ARHGEF16: variants seen among roughly 807,000 people sequenced by gnomAD.
ARHGEF16 encodes Rho guanine nucleotide exchange factor 16.
In ARHGEF16, 59 loss-of-function variants were observed where a neutral mutation model predicts 74.1. That is an observed-to-expected ratio of 0.80 (90% CI 0.65 to 0.99). The LOEUF (loss-of-function observed/expected upper bound fraction) is 0.99, where lower values mean the gene tolerates loss of function less well. Among genes scored for constraint, ARHGEF16 ranks in the 50% least tolerant of loss-of-function variants. ARHGEF16 has a pLI of 0.00. For synonymous variants in ARHGEF16, 415 were observed against 412.6 expected, an observed-to-expected ratio of 1.01 and a Z score of -0.07; for missense variants, 948 against 986.6, an observed-to-expected ratio of 0.96 and a Z score of 0.52.
intron 1 of ARHGEF16, among the ~76,000 whole-genome samples, chr1:3,459,196 C>T (rs1318714723): frequency 6.6e-6 from 1 of 152,140 alleles, no homozygotes; most frequent in African/African-American, 2.4e-5. Flanking sequence ...AGTGAACGAA[C>T]ACGGACCCTA....
At chr1:3,471,033 T>C (rs1326776607) in intron 6 of ARHGEF16, among the ~76,000 whole-genome samples, 17 of 143,596 alleles carry the variant, frequency 1.2e-4, no homozygotes, top group African/African-American at 4.0e-4. Context: ...GGGGTGTGTG[T>C]GCGTGGGCAG....
intron 1 of ARHGEF16, among the ~76,000 whole-genome samples, chr1:3,460,828 G>T (rs944295232): frequency 2.6e-5 from 4 of 152,140 alleles, no homozygotes; most frequent in African/African-American, 9.7e-5. Flanking sequence ...CGGCCAGCGT[G>T]GGGGCCGTCC....
chr1:3,465,704 G>C (rs9786995), intron 2 of ARHGEF16, among the ~76,000 whole-genome samples: 17,642 of 152,152 alleles, frequency 0.12, 1,314 homozygotes, highest in East Asian at 0.26. Flanking sequence ...CAGCCCTCCC[G>C]TCACTTCTGC....
At chr1:3,461,508 C>G (rs1292540927) in intron 1 of ARHGEF16, among the ~76,000 whole-genome samples, 4 of 152,178 alleles carry the variant, frequency 2.6e-5, no homozygotes, top group African/African-American at 9.7e-5. Context: ...GTGGGGAGCC[C>G]CTGAGCAGCA....
Position 3,455,382 on chromosome 1 carries a change from C to T in ARHGEF16, c.-20+571C>T, listed in dbSNP as rs545597672. ...CTCCCCCACCCTTGACCTTGGTGGG[C>T]GGTGGCAGGGAGGGACCTGCTTTGT... On this transcript the variant is annotated intron_variant, in intron 1 of 14. Transcript: ENST00000378378. 5.5e-4 allele frequency among the ~76,000 whole-genome samples: 83 copies of T among 152,114 alleles called. 1 individual carries two copies. Among genetic ancestry groups the T allele is most frequent in the Middle Eastern group, 3.4e-3 (1 of 294 alleles).
intron 1 of ARHGEF16, among the ~76,000 whole-genome samples, chr1:3,458,245 G>T (rs1208236428): frequency 6.6e-6 from 1 of 152,254 alleles, no homozygotes; most frequent in Non-Finnish European, 1.5e-5. Flanking sequence ...CAGCCAGCCA[G>T]CCTGCGGCTC....
At chr1:3,472,961 C>T (rs548923994) in intron 6 of ARHGEF16, 117 bp from the exon 7 acceptor site, 6 of 1,083,526 alleles carry the variant, frequency 5.5e-6, no homozygotes, top group Non-Finnish European at 7.4e-6. Flanking sequence ...GAGCTGAGCT[C>T]AGCTCCTGCC....
intron 1 of ARHGEF16, among the ~76,000 whole-genome samples, chr1:3,455,250 GAGC>G (rs1639240109): frequency 6.6e-6 from 1 of 151,926 alleles, no homozygotes; most frequent in Non-Finnish European, 1.5e-5. Flanking sequence ...ACCCTCCCGG[GAGC>G]TCTTTGGGGA....
chr1:3,478,544 C>G lies in ARHGEF16; in HGVS notation c.1746C>G (p.Pro582=). ...GGNRSSSVPH[P]FQVTLLRNSE... ...ACCGTAGCTCCTCCGTGCCCCACCC[C>G]TTCCAGGTGACCCTGCTTCGCAACA... is the stretch of plus-strand genomic sequence containing the variant. The change falls in exon 12 of 15, where the codon CCC becomes CCG. Residue 582 remains proline, a synonymous_variant. Transcript: ENST00000378378. The G allele has an allele frequency of 6.2e-7, 1 of 1,612,682 alleles. No individual in the cohort carries two copies. Among genetic ancestry groups the G allele is most frequent in the Non-Finnish European group, 8.5e-7 (1 of 1,179,866 alleles).
intron 12 of ARHGEF16, 73 bp downstream of exon 12, chr1:3,478,685 T>C: frequency 6.7e-7 from 1 of 1,482,238 alleles, no homozygotes; most frequent in Non-Finnish European, 9.0e-7. Context: ...GTTGTCCCCC[T>C]GCCTTGCTCG....
chr1:3,478,369 A>T, intron 11 of ARHGEF16, 55 bp from the exon 12 acceptor site: 2 of 1,517,086 alleles, frequency 1.3e-6, no homozygotes, highest in Middle Eastern at 1.8e-4. Flanking sequence ...GGAGCCCAGC[A>T]GCACTGGGTA....
intron 10 of ARHGEF16, among the ~76,000 whole-genome samples, chr1:3,476,420 TGCTGGCCCCTCAGGGGCTGGGCAGG>T (rs1438967613): frequency 6.6e-6 from 1 of 151,978 alleles, no homozygotes; most frequent in Non-Finnish European, 1.5e-5. Context: ...CAGCGCTCCT[TGCTGGCCCCTCAGGGGCTGGGCAGG>T]GCCTGAGGAC....
At chr1:3,458,346 G>A (rs975920615) in intron 1 of ARHGEF16, among the ~76,000 whole-genome samples, 4 of 152,246 alleles carry the variant, frequency 2.6e-5, no homozygotes, top group Non-Finnish European at 5.9e-5. Context: ...GGCCCACGTG[G>A]CTGCTGCAGG....
At position 3,467,347 on chromosome 1, in the gene ARHGEF16, G is replaced by C; in HGVS notation, c.804+10G>C. 6.5e-7 allele frequency: 1 copy of C among 1,543,434 alleles called. No homozygotes were observed. Among genetic ancestry groups the C allele is most frequent in the South Asian group, 1.2e-5 (1 of 83,854 alleles). On this transcript the variant is annotated intron_variant, in intron 4 of 14. Transcript: ENST00000378378. ...GAGCCAGCTCCCAGAGGTAGCGCCG[G>C]AGGGTGGGTGAGGCTGCCCCACAGA...
rs1038280370 is a variant in ARHGEF16 at position 3,467,134 on chromosome 1, C to T, written c.635-34C>T. 4 of 1,536,088 alleles carry T rather than the reference C, an allele frequency of 2.6e-6. No homozygotes were observed. The African/African-American group carries it at 5.5e-5, about 21-fold the overall frequency. On this transcript the variant is annotated intron_variant, in intron 3 of 14. Coordinates refer to ENST00000378378, the MANE Select transcript of ARHGEF16 (RefSeq NM_014448.4). ...GGGAGGCGCAGCCTTTTGCAATCCC[C>T]CAGGGCCACAGGTTACCCTCCTTCT...
At chr1:3,478,072 C>A (rs959752107) in intron 11 of ARHGEF16, 46 bp downstream of exon 11, 3 of 1,610,844 alleles carry the variant, frequency 1.9e-6, no homozygotes, top group Non-Finnish European at 2.5e-6. Context: ...TCCATGGACA[C>A]TGGACCGCTG....
At chr1:3,456,054 G>T (rs1010703234) in intron 1 of ARHGEF16, among the ~76,000 whole-genome samples, 2 of 152,202 alleles carry the variant, frequency 1.3e-5, no homozygotes, top group South Asian at 2.1e-4. Flanking sequence ...CTTCCTGGAA[G>T]AAGTAAGTCA....
chr1:3,469,106 C>T (rs887890959), intron 5 of ARHGEF16, among the ~76,000 whole-genome samples, 170 bp downstream of exon 5: 2 of 152,206 alleles, frequency 1.3e-5, no homozygotes, highest in African/African-American at 4.8e-5. Context: ...TGTGCTTCCA[C>T]CTGCGCCAGG....
rs1358198001 is a variant in ARHGEF16 at position 3,463,651 on chromosome 1, T to G, written c.567T>G (p.Thr189=). The change falls in exon 2 of 15, where the codon ACT becomes ACG. Residue 189 remains threonine, a synonymous_variant. Coordinates refer to ENST00000378378, the MANE Select transcript of ARHGEF16 (RefSeq NM_014448.4). ...CTGAGGAACCCAGCCAGCCTCATAC[T>G]CGGAGCCCGGCCAAAAACAAGGTAG... is the stretch of plus-strand genomic sequence containing the variant. ...ALAEEPSQPH[T]RSPAKNKKTL... is the part of the protein sequence containing the mutation. 61 of 1,410,564 alleles carry G rather than the reference T, an allele frequency of 4.3e-5. No individual in the cohort carries two copies. The highest frequency in any genetic ancestry group is 4.7e-5 in the Non-Finnish European group (51 of 1,076,264). The allele number at this position is 1,410,564 out of a possible 1,614,324, so 87.4% of individuals were successfully genotyped here.
Sources: gnomAD v4.1 joint callset for allele counts (sites outside exome capture counted in the v4.1 genomes callset) on GRCh38, gnomAD v4.1.1 for gene constraint, MANE v1.5 for transcripts, NCBI Gene and HGNC (gene_info 2026-07-23, HGNC 2026-07-21) for gene names.